Variants in DCP1B observed in about 807,000 individuals in gnomAD.
The protein encoded by DCP1B is mRNA-decapping enzyme 1B.
DCP1B carries 47 observed loss-of-function variants against 60.5 expected under a neutral mutation model. The observed-to-expected ratio is 0.78, with a 90% CI of 0.61 to 0.99. DCP1B has a LOEUF of 0.99. Ranked by LOEUF, DCP1B falls within the 50% of genes least tolerant of loss-of-function variation. The pLI is 0.00. For missense variants in DCP1B, 725 were observed against 756.8 expected (o/e 0.96, Z 0.49); for synonymous variants, 267 against 280.3 (o/e 0.95, Z 0.47).
At chr12:1,975,531 A>C (rs985426499) in intron 3 of DCP1B, among the ~76,000 whole-genome samples, 1 of 152,136 alleles carries the variant, frequency 6.6e-6, no homozygotes, top group Non-Finnish European at 1.5e-5. Flanking sequence ...CTTATTAAGC[A>C]TTTAAGAAAA....
At chr12:1,953,390 A>G in intron 6 of DCP1B, 102 bp from the exon 7 acceptor site, 1 of 1,278,632 alleles carries the variant, frequency 7.8e-7, no homozygotes, top group South Asian at 1.7e-5. Context: ...CTATTTACAA[A>G]GGATTGATTA....
chr12:1,944,935 G>C (rs933765937), downstream of DCP1B, among the ~76,000 whole-genome samples: 1 of 152,130 alleles, frequency 6.6e-6, no homozygotes, highest in African/African-American at 2.4e-5. Context: ...TTGACAAATG[G>C]GATCTGATTA....
chr12:1,964,219 C>T (rs1217770681), intron 5 of DCP1B, among the ~76,000 whole-genome samples: 2 of 152,056 alleles, frequency 1.3e-5, no homozygotes, highest in South Asian at 4.1e-4. Flanking sequence ...ATATGATATT[C>T]AATTACATAC....
At chr12:1,992,018 C>T in intron 3 of DCP1B, 1 of 299,038 alleles carries the variant, frequency 3.3e-6, no homozygotes, top group Non-Finnish European at 7.0e-6. Flanking sequence ...GCACACAAAA[C>T]AATTCAAACT....
intron 3 of DCP1B, among the ~76,000 whole-genome samples, chr12:1,976,383 T>C (rs2034366952): frequency 6.6e-6 from 1 of 152,200 alleles, no homozygotes; most frequent in Non-Finnish European, 1.5e-5. Flanking sequence ...TCTTTCTTTC[T>C]CATTAAATGC....
intron 6 of DCP1B, 69 bp downstream of exon 6, chr12:1,955,363 A>G (rs150660202): frequency 0.019 from 29,227 of 1,525,346 alleles, 342 homozygotes; most frequent in Non-Finnish European, 0.022. Context: ...TCCCCTGACT[A>G]TATTCTGGGT....
chr12:1,949,421 G>A (rs1300975153), intron 7 of DCP1B, 87 bp from the exon 8 acceptor site: 22 of 1,555,094 alleles, frequency 1.4e-5, no homozygotes, highest in Non-Finnish European at 1.7e-5. Flanking sequence ...GGTGGTCTAA[G>A]CATTCCCTGT....
chr12:1,981,710 A>G (rs4765870), intron 3 of DCP1B, among the ~76,000 whole-genome samples: 46,384 of 152,074 alleles, frequency 0.31, 7,332 homozygotes, highest in East Asian at 0.52. Context: ...CAAAGCAAAT[A>G]TAAGTACAAC....
At chr12:1,993,169 T>C in intron 3 of DCP1B, 95 bp downstream of exon 3, 1 of 1,550,734 alleles carries the variant, frequency 6.4e-7, no homozygotes, top group Non-Finnish European at 8.9e-7. Flanking sequence ...TAGCCACTGA[T>C]ACCAAATGCA....
rs537612022 is a variant in DCP1B, at chr12:1,979,305, C to T, written c.320-11395G>A. On this transcript the variant is annotated intron_variant, in intron 3 of 8. Transcript: ENST00000280665. ...TTGGGATTACAAGCGTGAGCCACAGCGCCTGGATTTTTTGTTTGTTTGTCT... is the reference window on the plus strand; with the variant it reads ...TTGGGATTACAAGCGTGAGCCACAGTGCCTGGATTTTTTGTTTGTTTGTCT... Among the ~76,000 whole-genome samples, 31 of 146,322 alleles carry T rather than the reference C, an allele frequency of 2.1e-4. 1 individual carries two copies. The highest frequency in any genetic ancestry group is 6.9e-4 in the African/African-American group (27 of 39,274).
intron 7 of DCP1B, chr12:1,950,387 C>G (rs1350596098): frequency 1.4e-6 from 1 of 702,332 alleles, no homozygotes; most frequent in Non-Finnish European, 2.6e-6. Context: ...ACTGAAAAGT[C>G]AAGGGAGTTG....
intron 2 of DCP1B, 106 bp downstream of exon 2, chr12:1,997,829 T>C: frequency 2.1e-6 from 2 of 938,200 alleles, no homozygotes; most frequent in South Asian, 1.5e-5. Context: ...TTAATTCTTT[T>C]ACTTCTTTTT....
intron 3 of DCP1B, among the ~76,000 whole-genome samples, chr12:1,969,444 T>TG (rs34007769): frequency 1.3e-5 from 2 of 150,750 alleles, no homozygotes; most frequent in Admixed American, 6.6e-5. Context: ...GCACGTGAAG[T>TG]GGGGGGGAAG....
intron 7 of DCP1B, chr12:1,950,317 A>G: frequency 1.4e-6 from 1 of 702,402 alleles, no homozygotes; most frequent in Non-Finnish European, 2.6e-6. Flanking sequence ...AAGCATTCTG[A>G]GCACAGCGTG....
At chr12:1,965,169 T>C (rs1280382387) in intron 5 of DCP1B, among the ~76,000 whole-genome samples, 1 of 152,182 alleles carries the variant, frequency 6.6e-6, no homozygotes, top group Non-Finnish European at 1.5e-5. Flanking sequence ...CAGGAGTTTT[T>C]AAACATTTTC....
rs1213232960 is a variant in DCP1B, at chr12:1,967,883, T to C, written c.347A>G (p.Asp116Gly). ...RLSIYGIWFY[D>G]KEECQRIAEL... ...TGCAATTCTTTGGCATTCTTCCTTA[T>C]CATAAAACCAAATTCCATAGATGGA... The change falls in exon 4 of 9, where the codon GAT becomes GGT. Residue 116 changes from aspartate to glycine, a missense_variant. Physicochemically the swap from Asp to Gly is moderately conservative, Grantham distance 94 (BLOSUM62 -1). Transcript: ENST00000280665. The C allele has an allele frequency of 1.9e-6, 3 of 1,613,124 alleles. No individual in the cohort carries two copies. The highest frequency in any genetic ancestry group is 1.7e-6 in the Non-Finnish European group (2 of 1,179,754).
In DCP1B at chr12:1,958,741, T is replaced by C. The variant is rs1324347340; in HGVS notation, c.523-3181A>G. Among the ~76,000 whole-genome samples the C allele has an allele frequency of 4.4e-5, 6 of 136,088 alleles. No homozygotes were observed. The East Asian group carries it at 6.8e-4, about 15-fold the overall frequency. 89.3% of individuals were successfully genotyped at this position (136,088 alleles called of 152,430 possible). On this transcript the variant is annotated intron_variant, in intron 5 of 8. Coordinates refer to ENST00000280665, the MANE Select transcript of DCP1B (RefSeq NM_152640.5). The stretch of plus-strand genomic sequence containing the variant: ...CGTCGCTCTGGGCAATGACTTTTTC[T>C]ATAAACCTCCCGGAAGGAAACAGGG...
At chr12:1,973,052 C>T (rs1408266118) in intron 3 of DCP1B, among the ~76,000 whole-genome samples, 9 of 152,194 alleles carry the variant, frequency 5.9e-5, no homozygotes, top group Admixed American at 2.6e-4. Flanking sequence ...TGCTTTCCTC[C>T]GGCATGTTCT....
intron 5 of DCP1B, among the ~76,000 whole-genome samples, chr12:1,958,652 G>A (rs1481965846): frequency 3.4e-5 from 5 of 147,308 alleles, no homozygotes; most frequent in Non-Finnish European, 6.0e-5. Context: ...GCTCCCCAAC[G>A]TCGCTCTGGG....
Sources: gnomAD v4.1 joint callset for allele counts (sites outside exome capture counted in the v4.1 genomes callset) on GRCh38, gnomAD v4.1.1 for gene constraint, MANE v1.5 for transcripts, NCBI Gene and HGNC (gene_info 2026-07-23, HGNC 2026-07-21) for gene names.